Variants in PI4KB observed in about 807,000 individuals in gnomAD.
PI4KB encodes PtdIns 4-kinase beta.
In PI4KB, 23 loss-of-function variants were observed where a neutral mutation model predicts 81.4. That is an observed-to-expected ratio of 0.28 (90% CI 0.20 to 0.40). The LOEUF (loss-of-function observed/expected upper bound fraction) is 0.40, where lower values mean the gene tolerates loss of function less well. Ranked by LOEUF, PI4KB falls within the 10% of genes least tolerant of loss-of-function variation. The pLI is 1.00. For synonymous variants in PI4KB, 381 were observed against 406.8 expected, an observed-to-expected ratio of 0.94 and a Z score of 0.76; for missense variants, 651 against 1,036.6, an observed-to-expected ratio of 0.63 and a Z score of 5.11.
intron 8 of PI4KB, chr1:151,300,717 G>A (rs1019692167): frequency 2.0e-5 from 3 of 152,148 alleles, no homozygotes; most frequent in Non-Finnish European, 4.4e-5. Flanking sequence ...GCTATTCACA[G>A]TCTCGATCCT....
At chr1:151,310,281 GAGA>G in intron 2 of PI4KB, 26 bp from the exon 3 acceptor site, 1 of 1,064,818 alleles carries the variant, frequency 9.4e-7, no homozygotes, top group East Asian at 2.9e-5. Context: ...AGGGCAAAGG[GAGA>G]AGGAGGGGGT....
chr1:151,306,349 A>T lies in PI4KB; in HGVS notation c.1197T>A (p.Ile399=). The T allele has an allele frequency of 6.2e-7, 1 of 1,612,908 alleles. No homozygotes were observed. Among genetic ancestry groups the T allele is most frequent in the Non-Finnish European group, 8.5e-7 (1 of 1,178,938 alleles). ...LNSKDKAPYL[I]YVEVLECENF... is the part of the protein sequence containing the mutation. ...TTTCACATTCAAGGACTTCCACATAAATCAGGTAGGGAGCCTGGGGGAAGA... is the reference window on the plus strand; with the variant it reads ...TTTCACATTCAAGGACTTCCACATATATCAGGTAGGGAGCCTGGGGGAAGA... Residue 399 remains isoleucine, a synonymous_variant, in exon 5 of 12, where the codon ATT becomes ATA. Transcript: ENST00000368873.
At chr1:151,301,494 C>T (rs906519032) in intron 8 of PI4KB, among the ~76,000 whole-genome samples, 1 of 152,090 alleles carries the variant, frequency 6.6e-6, no homozygotes, top group African/African-American at 2.4e-5. Flanking sequence ...GCCTCCCGGG[C>T]TCACGCCATT....
chr1:151,294,677 A>C (rs943760254), intron 9 of PI4KB, 136 bp from the exon 10 acceptor site: 1 of 698,314 alleles, frequency 1.4e-6, no homozygotes, highest in South Asian at 1.8e-5. Context: ...CCGTAACTCC[A>C]ATCTCCTGTC....
chr1:151,294,183 G>T (rs756557226), intron 10 of PI4KB, 45 bp from the exon 11 acceptor site: 2 of 1,588,552 alleles, frequency 1.3e-6, no homozygotes, highest in African/African-American at 2.7e-5. Context: ...GTCTTACACC[G>T]GGGATGGTCC....
intron 9 of PI4KB, among the ~76,000 whole-genome samples, 175 bp from the exon 10 acceptor site, chr1:151,294,716 G>A (rs1419461531): frequency 1.3e-5 from 2 of 152,112 alleles, no homozygotes; most frequent in Non-Finnish European, 2.9e-5. Flanking sequence ...AGCTATCAGT[G>A]GAAAGAAAGG....
At chr1:151,313,491 C>T (rs1647432514) in intron 2 of PI4KB, among the ~76,000 whole-genome samples, 1 of 152,100 alleles carries the variant, frequency 6.6e-6, no homozygotes, top group Non-Finnish European at 1.5e-5. Flanking sequence ...AAGATGAGCA[C>T]TACAAAATGG....
At chr1:151,310,480 G>T (rs1442769009) in intron 2 of PI4KB, among the ~76,000 whole-genome samples, 1 of 152,218 alleles carries the variant, frequency 6.6e-6, no homozygotes, top group Non-Finnish European at 1.5e-5. Flanking sequence ...AGGTCAGAAG[G>T]ACTGAAGAGA....
chr1:151,326,702 G>A (rs2102035916), intron 1 of PI4KB, among the ~76,000 whole-genome samples: 1 of 152,318 alleles, frequency 6.6e-6, no homozygotes, highest in South Asian at 2.1e-4. Context: ...GATCCCTTAA[G>A]GAGAAGGGAA....
At chr1:151,301,792 A>G in intron 8 of PI4KB, 52 bp downstream of exon 8, 2 of 1,576,836 alleles carry the variant, frequency 1.3e-6, no homozygotes, top group South Asian at 1.1e-5. Context: ...TCGGCCTCCC[A>G]GAGTGCTGGG....
Position 151,315,949 on chromosome 1 carries a change from T to C in PI4KB, c.533A>G (p.Gln178Arg). 6.2e-7 allele frequency: 1 copy of C among 1,613,280 alleles called. No individual in the cohort carries two copies. The highest frequency in any genetic ancestry group is 8.5e-7 in the Non-Finnish European group (1 of 1,179,370). Residue 178 changes from glutamine to arginine, a missense_variant, in exon 2 of 12, where the codon CAG becomes CGG. Physicochemically the swap from Gln to Arg is conservative, Grantham distance 43 (BLOSUM62 1). Around this residue, in one of 5 missense-constraint regions of PI4KB, gnomAD observed 314 missense variants for 397.8 expected, o/e 0.79. Transcript: ENST00000368873. ...CATGTGGATGTACATGTTAAGCAAC[T>C]GGGGCAGATAGAAGTCCACGTCCTC... is the stretch of plus-strand genomic sequence containing the variant. Reference protein sequence around the residue: ...RNEDVDFYLPQLLNMYIHMDE... With the variant: ...RNEDVDFYLPRLLNMYIHMDE...
chr1:151,308,916 G>A (rs1367103497), intron 3 of PI4KB, among the ~76,000 whole-genome samples: 2 of 152,142 alleles, frequency 1.3e-5, no homozygotes, highest in East Asian at 3.8e-4. Context: ...AACTCTAAAA[G>A]AGCTTCTTTT....
At chr1:151,293,300 G>A in intron 11 of PI4KB, 1 of 1,377,838 alleles carries the variant, frequency 7.3e-7, no homozygotes, top group Admixed American at 2.7e-5. Context: ...AAGGGTGGAG[G>A]GGCCCAGAGG....
At chr1:151,326,098 G>T (rs779334821) in intron 1 of PI4KB, 239 of 1,343,866 alleles carry the variant, frequency 1.8e-4, no homozygotes, top group Non-Finnish European at 2.5e-4. Flanking sequence ...CTGGACAGGG[G>T]TGAGAAGGCA....
At position 151,298,788 on chromosome 1, in the gene PI4KB, G is replaced by A. The variant is rs752876905; in HGVS notation, c.2015+20C>T. On this transcript the variant is annotated intron_variant, in intron 9 of 11. Transcript: ENST00000368873. The stretch of plus-strand genomic sequence containing the variant: ...GAGAACCCTGGAGAAATGTTAGGAT[G>A]AGCAGCAGAAGTCACCTACCTGTCC... 3.4e-5 allele frequency: 54 copies of A among 1,605,136 alleles called. No individual in the cohort carries two copies. The highest frequency in any genetic ancestry group is 4.4e-5 in the Non-Finnish European group (52 of 1,173,482).
chr1:151,301,582 G>A (rs1695286744), intron 8 of PI4KB, among the ~76,000 whole-genome samples: 1 of 151,830 alleles, frequency 6.6e-6, no homozygotes, highest in African/African-American at 2.4e-5. Flanking sequence ...TATTTTTAGT[G>A]GAGACAGGGT....
chr1:151,294,978 T>G (rs1029399305), intron 9 of PI4KB, among the ~76,000 whole-genome samples: 2 of 152,206 alleles, frequency 1.3e-5, no homozygotes, highest in African/African-American at 4.8e-5. Context: ...TTGTAACTCC[T>G]GTCAGCCCAC....
rs558834754 is a variant in PI4KB at position 151,316,168 on chromosome 1, C to T, written c.314G>A (p.Gly105Glu). ...AQIREEEDEM[G>E]AAVASGTAKG... ...GGCTGTGCCTGAGGCCACAGCGGCCCCCATCTCATCTTCCTCCTCCCTGAT... is the reference window on the plus strand; with the variant it reads ...GGCTGTGCCTGAGGCCACAGCGGCCTCCATCTCATCTTCCTCCTCCCTGAT... The change falls in exon 2 of 12, where the codon GGG becomes GAG. Residue 105 changes from glycine to glutamate, a missense_variant. By Grantham distance (98) the Gly-to-Glu change is moderately conservative (BLOSUM62 -2). Coordinates refer to ENST00000368873, the MANE Select transcript of PI4KB (RefSeq NM_001369623.2). 6 of 1,614,014 alleles carry T rather than the reference C, an allele frequency of 3.7e-6. No homozygotes were observed. The East Asian group carries it at 1.3e-4, about 36-fold the overall frequency.
At chr1:151,327,244 G>A in intron 1 of PI4KB, 27 bp downstream of exon 1, 4 of 119,558 alleles carry the variant, frequency 3.3e-5, no homozygotes, top group Admixed American at 1.2e-4. Flanking sequence ...CAGGGCAAAG[G>A]TGACTCATGA....
Sources: gnomAD v4.1 joint callset for allele counts (sites outside exome capture counted in the v4.1 genomes callset) on GRCh38, gnomAD v4.1.1 for gene constraint, gnomAD v4.1.1 regional missense constraint, MANE v1.5 for transcripts, NCBI Gene and HGNC (gene_info 2026-07-23, HGNC 2026-07-21) for gene names.